Variants in RBFOX1 observed in about 807,000 individuals in gnomAD.
RBFOX1 encodes the protein RNA binding fox-1 homolog 1, also known as RNA binding protein fox-1 homolog 1.
In RBFOX1, 8 loss-of-function variants were observed where a neutral mutation model predicts 57.7. The observed-to-expected ratio is 0.14, with a 90% CI of 0.08 to 0.25. The LOEUF (loss-of-function observed/expected upper bound fraction) is 0.25. RBFOX1 is among the 10% of genes least tolerant of loss of function. RBFOX1 has a pLI of 1.00. For missense variants in RBFOX1, 611 were observed against 548.5 expected (o/e 1.11, Z -1.14); for synonymous variants, 326 against 222.4 (o/e 1.47, Z -4.15).
intron 4 of RBFOX1, among the ~76,000 whole-genome samples, chr16:7,096,462 G>A (rs1000019139): frequency 6.6e-6 from 1 of 152,116 alleles, no homozygotes; most frequent in African/African-American, 2.4e-5. Flanking sequence ...CAGCAGCCCT[G>A]GTGGGTGGAC....
chr16:6,581,449 G>T (rs532983015), intron 2 of RBFOX1, among the ~76,000 whole-genome samples: 1 of 152,146 alleles, frequency 6.6e-6, no homozygotes, highest in Non-Finnish European at 1.5e-5. Flanking sequence ...AGCTGTGTTG[G>T]CTGTTGTTTT....
chr16:7,421,501 C>T (rs1420346936), intron 4 of RBFOX1, among the ~76,000 whole-genome samples: 1 of 152,316 alleles, frequency 6.6e-6, no homozygotes, highest in Non-Finnish European at 1.5e-5. Flanking sequence ...TGACATTTCC[C>T]AGGCACAGCC....
chr16:7,303,970 T>C (rs922768407), intron 4 of RBFOX1, among the ~76,000 whole-genome samples: 6 of 151,298 alleles, frequency 4.0e-5, no homozygotes, highest in African/African-American at 1.5e-4. Context: ...TTCACAGGGG[T>C]ATGGGGTGGG....
intron 4 of RBFOX1, among the ~76,000 whole-genome samples, chr16:7,396,114 G>A (rs539944171): frequency 6.6e-6 from 1 of 152,248 alleles, no homozygotes; most frequent in African/African-American, 2.4e-5. Context: ...GGAGGGGATT[G>A]AGGGCTGTTC....
At chr16:7,056,062 G>A (rs540677915) in intron 4 of RBFOX1, among the ~76,000 whole-genome samples, 214 of 152,214 alleles carry the variant, frequency 1.4e-3, no homozygotes, top group African/African-American at 5.0e-3. Flanking sequence ...GGACTGCACT[G>A]GATATAGTCT....
At chr16:7,359,802 G>A (rs1179948749) in intron 4 of RBFOX1, among the ~76,000 whole-genome samples, 1 of 152,202 alleles carries the variant, frequency 6.6e-6, no homozygotes, top group East Asian at 1.9e-4. Flanking sequence ...GGCTAACATG[G>A]TGAAACCCCG....
Position 7,664,933 on chromosome 16 carries a change from G to A in RBFOX1, c.895G>A (p.Val299Ile). The A allele has an allele frequency of 6.2e-7, 1 of 1,613,922 alleles. No homozygotes were observed. The highest frequency in any genetic ancestry group is 8.5e-7 in the Non-Finnish European group (1 of 1,179,840). Residue 299 changes from valine (V) to isoleucine (I), a missense_variant, in exon 13 of 16, where the codon GTT becomes ATT. Val to Ile is a conservative substitution (Grantham distance 29). This residue lies in a region of RBFOX1 where 267 missense variants were observed against 229.1 expected (regional missense o/e 1.17). Coordinates refer to ENST00000550418, the MANE Select transcript of RBFOX1 (RefSeq NM_018723.4). The stretch of plus-strand genomic sequence containing the variant: ...TTTGTGTGTGCACCCTTGCAGTGTT[G>A]TTTACCAGGATGGATTTTATGGTGC... ...PPPIPAYGGV[V>I]YQDGFYGADI...
chr16:6,265,987 G>A (rs2074439657), intron 1 of RBFOX1, among the ~76,000 whole-genome samples: 1 of 152,086 alleles, frequency 6.6e-6, no homozygotes, highest in Non-Finnish European at 1.5e-5. Context: ...AAACATTCTG[G>A]CTTCTCTTTT....
intron 4 of RBFOX1, among the ~76,000 whole-genome samples, chr16:7,429,065 A>G (rs998113630): frequency 3.3e-5 from 5 of 152,188 alleles, no homozygotes; most frequent in Admixed American, 6.5e-5. Flanking sequence ...TCTTGTGGAA[A>G]TGAATGTGTG....
At chr16:7,377,516 C>T (rs1304406206) in intron 4 of RBFOX1, among the ~76,000 whole-genome samples, 2 of 152,190 alleles carry the variant, frequency 1.3e-5, no homozygotes, top group Non-Finnish European at 2.9e-5. Flanking sequence ...TAGTAACAGC[C>T]TAAGGAGAAT....
chr16:6,056,242 G>A (rs1325635229), intron 1 of RBFOX1, among the ~76,000 whole-genome samples: 2 of 152,184 alleles, frequency 1.3e-5, no homozygotes, highest in East Asian at 3.9e-4. Flanking sequence ...CAAAGTGAAT[G>A]TGGGGGAGTG....
chr16:7,417,140 C>A (rs528416888), intron 4 of RBFOX1, among the ~76,000 whole-genome samples: 2 of 151,912 alleles, frequency 1.3e-5, no homozygotes, highest in Non-Finnish European at 2.9e-5. Context: ...GAGGCGGAGG[C>A]GGGTGGATCA....
chr16:6,145,386 A>G (rs2096750132), intron 1 of RBFOX1, among the ~76,000 whole-genome samples: 1 of 152,128 alleles, frequency 6.6e-6, no homozygotes, highest in Admixed American at 6.6e-5. Context: ...TAATGGCTGC[A>G]TAGTATTCCA....
At position 7,591,665 on chromosome 16, in the gene RBFOX1, G is replaced by A. The variant is rs139273897; in HGVS notation, c.469-3884G>A. On this transcript the variant is annotated intron_variant, in intron 7 of 15. Transcript: ENST00000550418. ...CATTAAAGGTAAACTCTGGGAAGGT[G>A]TGTCTCTGACTCCCCTTCTCTGTAC... is the stretch of plus-strand genomic sequence containing the variant. 5.1e-4 allele frequency among the ~76,000 whole-genome samples: 78 copies of A among 152,294 alleles called. 1 individual carries two copies. The East Asian group carries it at 0.015, about 29-fold the overall frequency.
At chr16:7,658,759 C>T (rs1218620507) in intron 12 of RBFOX1, among the ~76,000 whole-genome samples, 1 of 152,170 alleles carries the variant, frequency 6.6e-6, no homozygotes, top group Non-Finnish European at 1.5e-5. Flanking sequence ...GAGTCTTGCT[C>T]TGTCACCCAG....
At chr16:6,112,869 AGTTGGAAAGT>A (rs531790995) in intron 1 of RBFOX1, among the ~76,000 whole-genome samples, 42 of 152,242 alleles carry the variant, frequency 2.8e-4, no homozygotes, top group African/African-American at 3.6e-4. Flanking sequence ...TGTAGAGGGG[AGTTGGAAAGT>A]GTTGGAAAGT....
chr16:7,446,460 A>G (rs2098808331), intron 4 of RBFOX1, among the ~76,000 whole-genome samples: 1 of 152,210 alleles, frequency 6.6e-6, no homozygotes, highest in African/African-American at 2.4e-5. Context: ...TTGTGGGGTG[A>G]GTGCTCACAT....
At chr16:6,169,407 C>A (rs2096941774) in intron 1 of RBFOX1, among the ~76,000 whole-genome samples, 1 of 151,848 alleles carries the variant, frequency 6.6e-6, no homozygotes, top group African/African-American at 2.4e-5. Flanking sequence ...GAGGTTATGT[C>A]CCTAGAAGGC....
intron 4 of RBFOX1, among the ~76,000 whole-genome samples, chr16:7,116,338 A>G (rs575428527): frequency 2.0e-5 from 3 of 152,270 alleles, no homozygotes; most frequent in African/African-American, 7.2e-5. Context: ...TGAGCAGTTC[A>G]TGAGGTGTCA....
Sources: allele counts gnomAD v4.1 joint callset (sites outside exome capture counted in the v4.1 genomes callset), GRCh38; gene constraint gnomAD v4.1.1; regional missense constraint gnomAD v4.1.1; transcripts MANE v1.5; gene names NCBI Gene and HGNC (gene_info 2026-07-23, HGNC 2026-07-21).